The following MKLN1 variants were observed in gnomAD, a reference collection of about 807,000 sequenced individuals.
MKLN1 encodes the protein muskelin.
A neutral mutation model predicts 99.0 loss-of-function variants in MKLN1; 18 were observed. That is an observed-to-expected ratio of 0.18 (90% CI 0.13 to 0.27). The LOEUF is 0.27. MKLN1 is among the 10% of genes least tolerant of loss of function. The probability of loss-of-function intolerance (pLI) is 1.00; values close to 1 mark genes in which losing one functional copy is unlikely to be tolerated. For missense variants in MKLN1, 621 were observed against 875.9 expected (o/e 0.71, Z 3.67); for synonymous variants, 288 against 293.2 (o/e 0.98, Z 0.18).
chr7:131,188,675 A>G (rs1242338243), intron 2 of MKLN1, among the ~76,000 whole-genome samples: 3 of 152,360 alleles, frequency 2.0e-5, no homozygotes, highest in Non-Finnish European at 2.9e-5. Flanking sequence ...CAAGGAATGT[A>G]GAAACAGACT....
At chr7:131,154,727 G>C (rs1795939517) in intron 2 of MKLN1, among the ~76,000 whole-genome samples, 1 of 151,892 alleles carries the variant, frequency 6.6e-6, no homozygotes. Flanking sequence ...CAATTATTTA[G>C]CTATTCTTCT....
In MKLN1 at chr7:131,212,797, C is replaced by T. The variant is rs1796925053; in HGVS notation, c.-179+9823C>T. Among the ~76,000 whole-genome samples the T allele has an allele frequency of 2.0e-5, 3 of 152,070 alleles. No individual in the cohort carries two copies. In the South Asian group the frequency reaches 6.2e-4, roughly 32 times the overall value. On this transcript the variant is annotated intron_variant, in intron 3 of 7. Transcript: ENST00000416992. ...AATTAGCCGGGCATGATGGTGCATG[C>T]CTGTAATCCCAGCTACTCCTGAGGC...
intron 12 of MKLN1, among the ~76,000 whole-genome samples, chr7:131,460,451 A>C (rs1796482848): frequency 6.6e-6 from 1 of 152,256 alleles, no homozygotes; most frequent in African/African-American, 2.4e-5. Flanking sequence ...ACTGTCAACC[A>C]AGCTTTCCTA....
intron 2 of MKLN1, among the ~76,000 whole-genome samples, chr7:131,379,500 A>G (rs1275949650): frequency 6.6e-6 from 1 of 152,214 alleles, no homozygotes; most frequent in East Asian, 1.9e-4. Flanking sequence ...AAATATAATA[A>G]TAAAAGTCAG....
chr7:131,367,943 A>G (rs190551846), intron 1 of MKLN1, among the ~76,000 whole-genome samples: 1 of 152,222 alleles, frequency 6.6e-6, no homozygotes, highest in South Asian at 2.1e-4. Context: ...CATATGTAGT[A>G]TAAGAGGTTA....
intron 3 of MKLN1, among the ~76,000 whole-genome samples, chr7:131,205,022 C>T (rs899447151): frequency 1.3e-5 from 2 of 151,606 alleles, no homozygotes; most frequent in South Asian, 2.1e-4. Flanking sequence ...TGCTTGAACC[C>T]AGGAGGCAAA....
chr7:131,121,789 G>C (rs1237638000), intron 1 of MKLN1, among the ~76,000 whole-genome samples: 1 of 152,144 alleles, frequency 6.6e-6, no homozygotes, highest in Non-Finnish European at 1.5e-5. Context: ...ATATGGGTGT[G>C]AGGTTCATAA....
At chr7:131,262,861 T>C (rs2116539845) in intron 3 of MKLN1, among the ~76,000 whole-genome samples, 1 of 152,286 alleles carries the variant, frequency 6.6e-6, no homozygotes, top group Admixed American at 6.5e-5. Context: ...ATTATGTTTC[T>C]TAAGGCTCTT....
intron 8 of MKLN1, 144 bp downstream of exon 8, chr7:131,414,854 G>A (rs558386425): frequency 1.7e-5 from 8 of 466,436 alleles, no homozygotes; most frequent in African/African-American, 8.0e-5. Context: ...TTTAACATGC[G>A]GCCTTTTATG....
intron 2 of MKLN1, among the ~76,000 whole-genome samples, chr7:131,156,552 T>C (rs1341444984): frequency 2.0e-5 from 3 of 151,498 alleles, no homozygotes; most frequent in African/African-American, 7.3e-5. Context: ...GTGCAGATAC[T>C]ACTCTCTCGT....
intron 3 of MKLN1, among the ~76,000 whole-genome samples, chr7:131,244,722 CT>C (rs1203315282): frequency 6.6e-6 from 1 of 152,128 alleles, no homozygotes; most frequent in Non-Finnish European, 1.5e-5. Flanking sequence ...CTCAAAAGGA[CT>C]TTGGTGGCCA....
intron 1 of MKLN1, among the ~76,000 whole-genome samples, chr7:131,350,973 A>C (rs1434530087): frequency 6.6e-6 from 1 of 152,226 alleles, no homozygotes; most frequent in Non-Finnish European, 1.5e-5. Context: ...ATTAATACCT[A>C]GTCCATATTT....
chr7:131,137,213 C>T (rs1478150600), intron 1 of MKLN1, among the ~76,000 whole-genome samples: 1 of 152,056 alleles, frequency 6.6e-6, no homozygotes, highest in Non-Finnish European at 1.5e-5. Flanking sequence ...AGCACATTAT[C>T]GTGTTTATTG....
chr7:131,420,185 A>T (rs1795148220), intron 8 of MKLN1, among the ~76,000 whole-genome samples: 1 of 151,984 alleles, frequency 6.6e-6, no homozygotes, highest in African/African-American at 2.4e-5. Flanking sequence ...AACTTAAAGT[A>T]TAATTAAAAA....
At chr7:131,385,306 C>T (rs1165462606) in intron 2 of MKLN1, among the ~76,000 whole-genome samples, 1 of 151,994 alleles carries the variant, frequency 6.6e-6, no homozygotes, top group Non-Finnish European at 1.5e-5. Flanking sequence ...GAACAGTACC[C>T]CTGTGAACAT....
intron 3 of MKLN1, among the ~76,000 whole-genome samples, chr7:131,208,084 A>G (rs1796846419): frequency 1.3e-5 from 2 of 152,168 alleles, no homozygotes; most frequent in South Asian, 4.1e-4. Flanking sequence ...ATGCTACCAT[A>G]TTATTGGGCA....
At chr7:131,307,808 A>G (rs971742941) in intron 3 of MKLN1, among the ~76,000 whole-genome samples, 1 of 152,080 alleles carries the variant, frequency 6.6e-6, no homozygotes, top group African/African-American at 2.4e-5. Flanking sequence ...CTCAGAAGAG[A>G]CTTTGGACTG....
In MKLN1 at chr7:131,493,958, CAAA is replaced by C. The variant is rs974449950; in HGVS notation, c.*6233_*6235del. The C allele has an allele frequency of 6.6e-6, 1 of 152,162 alleles. No homozygotes were observed. Among genetic ancestry groups the C allele is most frequent in the African/African-American group, 2.4e-5 (1 of 41,440 alleles). 9.4% of individuals were successfully genotyped at this position (152,162 alleles called of 1,614,324 possible). A position where few individuals can be genotyped will look rare whatever the true frequency, so the allele number is the denominator to read the frequency against. On this transcript the variant is annotated 3_prime_UTR_variant, in exon 18 of 18. Transcript: ENST00000352689. ...CTGTGTGCATGAATAAGGAGCCACT[CAAA>C]AAGCCAATTTTGAGCTTTATTTCTC... is the stretch of plus-strand genomic sequence containing the variant.
chr7:131,194,558 A>C (rs1316300615), intron 2 of MKLN1, among the ~76,000 whole-genome samples: 1 of 152,236 alleles, frequency 6.6e-6, no homozygotes, highest in African/African-American at 2.4e-5. Context: ...TATGCTTGAG[A>C]TCCATACTTA....
Sources: gnomAD v4.1 joint callset for allele counts (sites outside exome capture counted in the v4.1 genomes callset) on GRCh38, gnomAD v4.1.1 for gene constraint, MANE v1.5 for transcripts, NCBI Gene and HGNC (gene_info 2026-07-23, HGNC 2026-07-21) for gene names.